STT3B: variants seen among roughly 807,000 people sequenced by gnomAD.
The protein encoded by STT3B is STT3 oligosaccharyltransferase complex catalytic subunit B.
In STT3B, 29 loss-of-function variants were observed where a neutral mutation model predicts 96.8. The ratio of observed to expected loss-of-function variants is 0.30; its 90% CI spans 0.22 to 0.41. The LOEUF (loss-of-function observed/expected upper bound fraction) is 0.41, where lower values mean the gene tolerates loss of function less well. STT3B is among the 10% of genes least tolerant of loss of function. The pLI, the probability that STT3B is intolerant of heterozygous loss-of-function variation, is 1.00. For synonymous variants in STT3B, 367 were observed against 360.0 expected (o/e 1.02, Z -0.22); for missense variants, 640 against 1,022.3 (o/e 0.63, Z 5.10).
At chr3:31,555,995 C>T (rs1697700219) in intron 1 of STT3B, among the ~76,000 whole-genome samples, 1 of 152,074 alleles carries the variant, frequency 6.6e-6, no homozygotes, top group Non-Finnish European at 1.5e-5. Flanking sequence ...AGAATTTATG[C>T]CTTGTATCTA....
chr3:31,637,221 TAGTAAA>T lies in STT3B; in HGVS notation c.*1161_*1166del, dbSNP rs1208464432. 6.6e-6 allele frequency: 1 copy of T among 152,224 alleles called. No individual in the cohort carries two copies. The highest frequency in any genetic ancestry group is 1.5e-5 in the Non-Finnish European group (1 of 68,032). The allele number at this position is 152,224 out of a possible 1,614,324, so 9.4% of individuals were successfully genotyped here. A position where few individuals can be genotyped will look rare whatever the true frequency, so the allele number is the denominator to read the frequency against. Reference sequence around the variant, plus strand: ...GACTTGAACATTTTCTCCAGTTGTTTAGTAAAAGTGAAAGAGAAAGGGTTTTTCCTG... The same window carrying T: ...GACTTGAACATTTTCTCCAGTTGTTTAGTGAAAGAGAAAGGGTTTTTCCTG... On this transcript the variant is annotated 3_prime_UTR_variant, in exon 16 of 16. Transcript: ENST00000295770.
At chr3:31,560,067 A>G (rs1559365657) in intron 1 of STT3B, among the ~76,000 whole-genome samples, 1 of 152,004 alleles carries the variant, frequency 6.6e-6, no homozygotes, top group African/African-American at 2.4e-5. Context: ...TTCAGTCTAT[A>G]TGTGTCTTCA....
At chr3:31,540,783 C>A (rs750140346) in intron 1 of STT3B, among the ~76,000 whole-genome samples, 1 of 152,066 alleles carries the variant, frequency 6.6e-6, no homozygotes, top group Non-Finnish European at 1.5e-5. Flanking sequence ...TTTCAAAATT[C>A]TAGTATATCC....
At position 31,615,239 on chromosome 3, in the gene STT3B, T is replaced by G. The variant is rs769097128; in HGVS notation, c.976+36T>G. On this transcript the variant is annotated intron_variant, in intron 6 of 15. Coordinates refer to ENST00000295770, the MANE Select transcript of STT3B (RefSeq NM_178862.3). ...TATATATTTTCCTTCTTCTAAAGAA[T>G]ATGTGGACGTGTGATTGGCAGTCTT... 5 of 1,472,700 alleles carry G rather than the reference T, an allele frequency of 3.4e-6. No individual in the cohort carries two copies. The Admixed American group carries it at 8.9e-5, about 26-fold the overall frequency. The allele number at this position is 1,472,700 out of a possible 1,614,324, so 91.2% of individuals were successfully genotyped here.
intron 3 of STT3B, among the ~76,000 whole-genome samples, chr3:31,581,375 A>G (rs1227852742): frequency 6.6e-6 from 1 of 152,182 alleles, no homozygotes; most frequent in African/African-American, 2.4e-5. Context: ...AACTATTTTA[A>G]TATTCTCTAC....
chr3:31,533,222 C>T lies in STT3B; in HGVS notation c.224C>T (p.Thr75Ile). The T allele has an allele frequency of 6.8e-7, 1 of 1,479,626 alleles. No homozygotes were observed. Among genetic ancestry groups the T allele is most frequent in the South Asian group, 1.3e-5 (1 of 78,052 alleles). The allele number at this position is 1,479,626 out of a possible 1,614,324, so 91.7% of individuals were successfully genotyped here. The change falls in exon 1 of 16, where the codon ACC becomes ATC. Residue 75 changes from threonine (T) to isoleucine (I), a missense_variant. Transcript: ENST00000295770. ...PAGWQSLLSF[T>I]ILFLAWLAGF... ...GGGTGGCAGTCGCTTCTCTCCTTCA[C>T]CATCCTCTTCCTGGCCTGGCTTGCC...
At chr3:31,577,044 A>G (rs922452048) in intron 2 of STT3B, among the ~76,000 whole-genome samples, 1 of 152,150 alleles carries the variant, frequency 6.6e-6, no homozygotes, top group Non-Finnish European at 1.5e-5. Context: ...AATGAAGGTG[A>G]AAGACAAAGC....
chr3:31,586,443 G>A (rs1698537956), intron 3 of STT3B, among the ~76,000 whole-genome samples: 1 of 151,816 alleles, frequency 6.6e-6, no homozygotes, highest in Non-Finnish European at 1.5e-5. Flanking sequence ...CTTGCTCTTG[G>A]TATCTTCTCT....
intron 5 of STT3B, 100 bp from the exon 6 acceptor site, chr3:31,615,005 A>C (rs1023601739): frequency 1.6e-6 from 1 of 610,134 alleles, no homozygotes; most frequent in East Asian, 3.0e-5. Flanking sequence ...TCTTAAATTC[A>C]GTTAATACTT....
chr3:31,565,543 G>C (rs1697984400), intron 1 of STT3B, among the ~76,000 whole-genome samples: 1 of 152,206 alleles, frequency 6.6e-6, no homozygotes, highest in Admixed American at 6.5e-5. Context: ...GAAGAGTTCA[G>C]TTATCTGAAG....
At chr3:31,631,589 C>T (rs1410964517) in intron 14 of STT3B, among the ~76,000 whole-genome samples, 2 of 152,112 alleles carry the variant, frequency 1.3e-5, no homozygotes, top group African/African-American at 4.8e-5. Flanking sequence ...CTTTTGCTAT[C>T]ATATAGATAA....
At position 31,599,010 on chromosome 3, in the gene STT3B, A is replaced by G. The variant is rs552318747; in HGVS notation, c.778-1350A>G. 2.5e-4 allele frequency among the ~76,000 whole-genome samples: 38 copies of G among 152,104 alleles called. 1 individual carries two copies. In the East Asian group the frequency reaches 7.0e-3, roughly 28 times the overall value. On this transcript the variant is annotated intron_variant, in intron 4 of 15. Transcript: ENST00000295770. Reference sequence around the variant, plus strand: ...TTTTTAGTAGAGACAGGATTTCTCCATGTGGTCAGACTGGTCTCGAACTCC... The same window carrying G: ...TTTTTAGTAGAGACAGGATTTCTCCGTGTGGTCAGACTGGTCTCGAACTCC...
At chr3:31,539,622 A>G (rs1013439857) in intron 1 of STT3B, among the ~76,000 whole-genome samples, 6 of 152,134 alleles carry the variant, frequency 3.9e-5, no homozygotes, top group Non-Finnish European at 7.4e-5. Flanking sequence ...CCTCTTCACA[A>G]TCCGGGCTGT....
chr3:31,546,293 TGTA>T (rs34838910), intron 1 of STT3B, among the ~76,000 whole-genome samples: 23,773 of 152,082 alleles, frequency 0.16, 2,230 homozygotes, highest in East Asian at 0.25. Flanking sequence ...CTGAGATGAT[TGTA>T]GTCACCTGGA....
intron 14 of STT3B, among the ~76,000 whole-genome samples, chr3:31,632,260 T>A (rs1332022381): frequency 6.6e-6 from 1 of 152,200 alleles, no homozygotes; most frequent in Non-Finnish European, 1.5e-5. Context: ...CCTTTGTAGT[T>A]CCCACTTTCA....
intron 5 of STT3B, among the ~76,000 whole-genome samples, chr3:31,614,444 C>CTT (rs1699259051): frequency 6.6e-6 from 1 of 151,872 alleles, no homozygotes; most frequent in African/African-American, 2.4e-5. Context: ...GATTGACAAA[C>CTT]TTAATTTAGA....
chr3:31,561,559 C>T (rs1028544528), intron 1 of STT3B, among the ~76,000 whole-genome samples: 2 of 152,012 alleles, frequency 1.3e-5, no homozygotes, highest in African/African-American at 4.8e-5. Context: ...ACCATCCCCA[C>T]CTCCCCACCA....
At chr3:31,616,223 A>G (rs1699304901) in intron 6 of STT3B, among the ~76,000 whole-genome samples, 1 of 151,940 alleles carries the variant, frequency 6.6e-6, no homozygotes, top group Non-Finnish European at 1.5e-5. Flanking sequence ...CTATTTGTTC[A>G]TATTCTTCTT....
intron 9 of STT3B, among the ~76,000 whole-genome samples, chr3:31,620,614 A>C (rs1389716609): frequency 1.3e-5 from 2 of 152,222 alleles, no homozygotes; most frequent in African/African-American, 4.8e-5. Flanking sequence ...TTTAAATGCC[A>C]AGTATTTAGG....
Sources: gnomAD v4.1 joint callset for allele counts (sites outside exome capture counted in the v4.1 genomes callset) on GRCh38, gnomAD v4.1.1 for gene constraint, MANE v1.5 for transcripts, NCBI Gene and HGNC (gene_info 2026-07-23, HGNC 2026-07-21) for gene names.